PDGFD: variants seen among roughly 807,000 people sequenced by gnomAD.
The protein encoded by PDGFD is platelet derived growth factor D, also known as platelet-derived growth factor D.
Under a neutral mutation model 44.7 loss-of-function variants are expected in PDGFD, and 30 were observed. That is an observed-to-expected ratio of 0.67 (90% CI 0.50 to 0.91). The LOEUF is 0.91. Among genes scored for constraint, PDGFD ranks in the 40% least tolerant of loss-of-function variants. The pLI, the probability that PDGFD is intolerant of heterozygous loss-of-function variation, is 0.00. For synonymous variants in PDGFD, 173 were observed against 168.4 expected (o/e 1.03, Z -0.21); for missense variants, 445 against 457.8 (o/e 0.97, Z 0.25).
intron 1 of PDGFD, among the ~76,000 whole-genome samples, chr11:104,154,786 C>T (rs2119916513): frequency 6.6e-6 from 1 of 152,260 alleles, no homozygotes; most frequent in East Asian, 1.9e-4. Flanking sequence ...CACAGACTGA[C>T]CAGAACAGAG....
chr11:103,959,104 T>C (rs1858898625), intron 3 of PDGFD, among the ~76,000 whole-genome samples: 1 of 152,172 alleles, frequency 6.6e-6, no homozygotes, highest in Admixed American at 6.5e-5. Flanking sequence ...GAGTGTCAGT[T>C]GTAAAGTATT....
intron 1 of PDGFD, among the ~76,000 whole-genome samples, chr11:104,084,825 A>AGTATTATAAAATATATATTT (rs1861104352): frequency 1.2e-4 from 18 of 146,106 alleles, no homozygotes; most frequent in African/African-American, 4.2e-4. Context: ...TAAAATATAA[A>AGTATTATAAAATATATATTT]TATAAAATAT....
intron 3 of PDGFD, among the ~76,000 whole-genome samples, chr11:103,979,350 T>C (rs1209331600): frequency 1.3e-5 from 2 of 152,056 alleles, no homozygotes; most frequent in African/African-American, 2.4e-5. Flanking sequence ...GCTTTCTTCC[T>C]ATGTGAATCA....
chr11:103,982,316 T>C (rs1859282966), intron 3 of PDGFD, among the ~76,000 whole-genome samples: 1 of 151,832 alleles, frequency 6.6e-6, no homozygotes. Flanking sequence ...AGGTATTCAA[T>C]GAATGCTTGT....
chr11:104,034,614 G>A (rs1860188663), intron 1 of PDGFD, among the ~76,000 whole-genome samples: 1 of 151,578 alleles, frequency 6.6e-6, no homozygotes, highest in African/African-American at 2.4e-5. Context: ...TACCAAGCCA[G>A]GGAAACATGA....
intron 3 of PDGFD, among the ~76,000 whole-genome samples, chr11:103,988,899 G>C (rs1420883019): frequency 6.6e-6 from 1 of 152,124 alleles, no homozygotes; most frequent in East Asian, 1.9e-4. Flanking sequence ...ATGCATTCAT[G>C]CAAGACTTAG....
chr11:103,925,306 T>C (rs532324036), intron 6 of PDGFD, among the ~76,000 whole-genome samples: 10 of 152,286 alleles, frequency 6.6e-5, no homozygotes, highest in African/African-American at 2.2e-4. Flanking sequence ...CTATAATCAT[T>C]TGGGTATATA....
intron 6 of PDGFD, among the ~76,000 whole-genome samples, chr11:103,925,661 C>A (rs541921496): frequency 4.8e-4 from 69 of 143,016 alleles, no homozygotes; most frequent in Admixed American, 2.2e-3. Flanking sequence ...CTCTCTCTCT[C>A]TATGTGTGTG....
intron 3 of PDGFD, among the ~76,000 whole-genome samples, chr11:103,975,307 T>C (rs2134347311): frequency 6.6e-6 from 1 of 152,354 alleles, no homozygotes; most frequent in East Asian, 1.9e-4. Context: ...AAGTGTCTGT[T>C]CATATCATTG....
At position 103,948,164 on chromosome 11, in the gene PDGFD, T is replaced by C. The variant is rs199499754; in HGVS notation, c.511-440A>G. Among the ~76,000 whole-genome samples, 20 of 152,334 alleles carry C rather than the reference T, an allele frequency of 1.3e-4. No homozygotes were observed. In the East Asian group the frequency reaches 3.3e-3, roughly 25 times the overall value. On this transcript the variant is annotated intron_variant, in intron 3 of 6. Coordinates refer to ENST00000393158, the MANE Select transcript of PDGFD (RefSeq NM_025208.5). ...AATAATAATTATCATTATTGACATA[T>C]AGTTGGTTTAAACTAGGTTACGCAT...
chr11:103,915,649 A>G (rs1462986305), intron 6 of PDGFD, among the ~76,000 whole-genome samples: 1 of 152,214 alleles, frequency 6.6e-6, no homozygotes, highest in Non-Finnish European at 1.5e-5. Flanking sequence ...ATCTTAAGCA[A>G]AAAGAACAAA....
chr11:103,983,113 C>A (rs1045744529), intron 3 of PDGFD, among the ~76,000 whole-genome samples: 1 of 151,772 alleles, frequency 6.6e-6, no homozygotes, highest in Non-Finnish European at 1.5e-5. Flanking sequence ...ACAGCCAAGA[C>A]AATCCTAAGC....
At chr11:103,911,478 C>A (rs1263609090) in intron 6 of PDGFD, among the ~76,000 whole-genome samples, 1 of 152,112 alleles carries the variant, frequency 6.6e-6, no homozygotes, top group Non-Finnish European at 1.5e-5. Flanking sequence ...TGAAGGTCAA[C>A]AACATCAAAG....
chr11:103,976,546 C>A (rs1255809676), intron 3 of PDGFD, among the ~76,000 whole-genome samples: 2 of 152,074 alleles, frequency 1.3e-5, no homozygotes, highest in Non-Finnish European at 2.9e-5. Flanking sequence ...ATTGCCCTGG[C>A]CAGAACTTCC....
At chr11:104,133,903 T>C (rs1440292576) in intron 1 of PDGFD, among the ~76,000 whole-genome samples, 1 of 152,066 alleles carries the variant, frequency 6.6e-6, no homozygotes, top group Non-Finnish European at 1.5e-5. Context: ...AGGGACATGA[T>C]ATGGTAAAAA....
chr11:104,010,960 C>T (rs989444301), intron 1 of PDGFD, among the ~76,000 whole-genome samples: 1 of 151,994 alleles, frequency 6.6e-6, no homozygotes, highest in Non-Finnish European at 1.5e-5. Context: ...CCACTGCCAA[C>T]ATAGCTCAGA....
intron 1 of PDGFD, among the ~76,000 whole-genome samples, chr11:104,130,355 G>T (rs1020329788): frequency 2.0e-5 from 3 of 152,114 alleles, no homozygotes; most frequent in African/African-American, 7.2e-5. Flanking sequence ...GAGATGTTTG[G>T]TTCTCTAGGT....
intron 1 of PDGFD, among the ~76,000 whole-genome samples, chr11:104,104,471 C>G (rs939401171): frequency 6.6e-6 from 1 of 152,074 alleles, no homozygotes; most frequent in African/African-American, 2.4e-5. Context: ...ACAGGGGTAA[C>G]CACTGTATAT....
At chr11:104,049,198 T>C (rs1466396470) in intron 1 of PDGFD, among the ~76,000 whole-genome samples, 2 of 152,134 alleles carry the variant, frequency 1.3e-5, no homozygotes, top group African/African-American at 4.8e-5. Context: ...CATGGGGCAA[T>C]GGAACGGGGA....
Sources: gnomAD v4.1 joint callset for allele counts (sites outside exome capture counted in the v4.1 genomes callset) on GRCh38, gnomAD v4.1.1 for gene constraint, MANE v1.5 for transcripts, NCBI Gene and HGNC (gene_info 2026-07-23, HGNC 2026-07-21) for gene names.